GMPR: variants seen among roughly 807,000 people sequenced by gnomAD.
The protein encoded by GMPR is GMP reductase 1.
GMPR carries 31 observed loss-of-function variants against 38.4 expected under a neutral mutation model. That is an observed-to-expected ratio of 0.81 (90% CI 0.61 to 1.09). GMPR has a LOEUF of 1.09. GMPR is among the 50% of genes least tolerant of loss of function. The pLI, the probability that GMPR is intolerant of heterozygous loss-of-function variation, is 0.00. For synonymous variants in GMPR, 162 were observed against 173.3 expected, an observed-to-expected ratio of 0.93 and a Z score of 0.51; for missense variants, 468 against 453.7, an observed-to-expected ratio of 1.03 and a Z score of -0.29.
At chr6:16,271,357 A>G (rs2113691430) in intron 4 of GMPR, among the ~76,000 whole-genome samples, 1 of 152,266 alleles carries the variant, frequency 6.6e-6, no homozygotes, top group East Asian at 1.9e-4. Flanking sequence ...GTGGTGGCAC[A>G]TACCTGTAAT....
rs558854193 is a variant in GMPR, at chr6:16,273,618, G to A, written c.466-797G>A. 6.6e-5 allele frequency among the ~76,000 whole-genome samples: 10 copies of A among 152,144 alleles called. No homozygotes were observed. The South Asian group carries it at 1.5e-3, about 22-fold the overall frequency. On this transcript the variant is annotated intron_variant, in intron 4 of 8. Transcript: ENST00000259727. ...TCATCTGCCCTTTCCTGTCTAGATG[G>A]GAATCCCAGCCCTAGAGAGTGGGGC... is the stretch of plus-strand genomic sequence containing the variant.
At chr6:16,266,667 C>T (rs374242901) in intron 4 of GMPR, among the ~76,000 whole-genome samples, 38 of 151,638 alleles carry the variant, frequency 2.5e-4, no homozygotes, top group African/African-American at 4.1e-4. Context: ...AAAAATTAGC[C>T]GGGCGCAGTG....
chr6:16,294,444 C>T (rs1044752560), intron 8 of GMPR, among the ~76,000 whole-genome samples: 1 of 152,218 alleles, frequency 6.6e-6, no homozygotes, highest in Non-Finnish European at 1.5e-5. Context: ...TTATGTCCTC[C>T]TCGTCCTGGT....
chr6:16,293,432 T>C (rs1397037298), intron 8 of GMPR, among the ~76,000 whole-genome samples: 2 of 152,226 alleles, frequency 1.3e-5, no homozygotes, highest in South Asian at 2.1e-4. Flanking sequence ...CTTCCTGAGC[T>C]TGGGGCTCTA....
chr6:16,254,631 C>G lies in GMPR; in HGVS notation c.361C>G (p.Pro121Ala). Residue 121 changes from proline to alanine, a missense_variant, in exon 4 of 9, where the codon CCA becomes GCA. Coordinates refer to ENST00000259727, the MANE Select transcript of GMPR (RefSeq NM_006877.4). ...GATGACCAGCATCCTGGAAGCTGTG[C>G]CACAGGTTAAGTTTATTTGCCTGGA... ...EKMTSILEAV[P>A]QVKFICLDVA... 6.2e-7 allele frequency: 1 copy of G among 1,613,240 alleles called. No homozygotes were observed. Among genetic ancestry groups the G allele is most frequent in the Non-Finnish European group, 8.5e-7 (1 of 1,179,166 alleles).
intron 6 of GMPR, among the ~76,000 whole-genome samples, chr6:16,279,887 C>CA (rs767407344): frequency 6.6e-6 from 1 of 151,960 alleles, no homozygotes; most frequent in African/African-American, 2.4e-5. Flanking sequence ...TTGAAAGGGG[C>CA]AAAATAAAAA....
At chr6:16,285,022 AAAAAAAAAAAC>A (rs1759649342) in intron 6 of GMPR, among the ~76,000 whole-genome samples, 3 of 130,474 alleles carry the variant, frequency 2.3e-5, no homozygotes, top group Admixed American at 1.5e-4. Flanking sequence ...TGTCTCAAAA[AAAAAAAAAAAC>A]AAAAAAAAAA....
intron 2 of GMPR, among the ~76,000 whole-genome samples, chr6:16,249,166 A>ATTTT (rs11292107): frequency 3.1e-5 from 3 of 96,464 alleles, no homozygotes; most frequent in African/African-American, 4.5e-5. Flanking sequence ...ACATTTTGTA[A>ATTTT]TTTTTTTTTT....
At chr6:16,294,871 G>A in intron 8 of GMPR, 135 bp from the exon 9 acceptor site, 1 of 661,696 alleles carries the variant, frequency 1.5e-6, no homozygotes, top group South Asian at 1.7e-5. Context: ...ATGTGGGGAT[G>A]GGGTCAGAGG....
At chr6:16,294,970 A>G (rs2113352808) in intron 8 of GMPR, 36 bp from the exon 9 acceptor site, 1 of 1,550,670 alleles carries the variant, frequency 6.4e-7, no homozygotes, top group Non-Finnish European at 8.9e-7. Flanking sequence ...GTGGGGCGGG[A>G]AACTAGATAA....
intron 1 of GMPR, among the ~76,000 whole-genome samples, chr6:16,240,000 A>T (rs1758616606): frequency 1.3e-5 from 2 of 152,188 alleles, no homozygotes; most frequent in African/African-American, 2.4e-5. Flanking sequence ...TGGAACAAAA[A>T]CAGTTTGGAG....
At chr6:16,285,094 T>C (rs1279139237) in intron 6 of GMPR, among the ~76,000 whole-genome samples, 1 of 149,442 alleles carries the variant, frequency 6.7e-6, no homozygotes, top group African/African-American at 2.5e-5. Flanking sequence ...AGAAGACTTG[T>C]ACTGTGTAGC....
Position 16,295,241 on chromosome 6 carries a change from C to A in GMPR, c.*55C>A. The A allele has an allele frequency of 7.8e-7, 1 of 1,289,460 alleles. No homozygotes were observed. Among genetic ancestry groups the A allele is most frequent in the Admixed American group, 2.9e-5 (1 of 35,026 alleles). The allele number at this position is 1,289,460 out of a possible 1,614,324, so 79.9% of individuals were successfully genotyped here. A position where few individuals can be genotyped will look rare whatever the true frequency, so the allele number is the denominator to read the frequency against. On this transcript the variant is annotated 3_prime_UTR_variant, in exon 9 of 9. Transcript: ENST00000259727. ...GTGGAAGCGTCCAAACCTGCTTTTC[C>A]CATCTCCCCCCAAGTCTGTTCCGTC...
intron 3 of GMPR, among the ~76,000 whole-genome samples, chr6:16,253,999 C>T (rs939161235): frequency 2.0e-5 from 3 of 152,004 alleles, no homozygotes; most frequent in African/African-American, 7.3e-5. Flanking sequence ...GGCACAATCT[C>T]GGCTCACTGC....
intron 6 of GMPR, among the ~76,000 whole-genome samples, chr6:16,285,124 C>G (rs1031495300): frequency 1.1e-4 from 17 of 151,666 alleles, no homozygotes; most frequent in African/African-American, 4.1e-4. Flanking sequence ...AACATTACCC[C>G]CAACAGCTGA....
In GMPR at chr6:16,238,647, G is replaced by GC; in HGVS notation, c.-42dup. ...GCTCCCCGCGCCGCCCCGCGCAGGC[G>GC]CCCCCGCCCCGCCGTCGCCGCCGCC... On this transcript the variant is annotated 5_prime_UTR_variant, in exon 1 of 9. Coordinates refer to ENST00000259727, the MANE Select transcript of GMPR (RefSeq NM_006877.4). 3.3e-6 allele frequency: 3 copies of GC among 902,040 alleles called. No homozygotes were observed. The highest frequency in any genetic ancestry group is 4.3e-6 in the Non-Finnish European group (3 of 705,538). The allele number at this position is 902,040 out of a possible 1,614,324, so 55.9% of individuals were successfully genotyped here.
chr6:16,280,370 C>G (rs1759553461), intron 6 of GMPR, among the ~76,000 whole-genome samples: 1 of 152,166 alleles, frequency 6.6e-6, no homozygotes, highest in Non-Finnish European at 1.5e-5. Flanking sequence ...CCAAATTTTT[C>G]ACCCACCCAT....
At chr6:16,247,069 C>T in intron 2 of GMPR, 108 bp downstream of exon 2, 1 of 1,036,200 alleles carries the variant, frequency 9.7e-7, no homozygotes, top group Admixed American at 2.6e-5. Context: ...GAAATGTGAG[C>T]TGCTTTGGGT....
rs1377417675 is a variant in GMPR, at chr6:16,254,632, C to A, written c.362C>A (p.Pro121Gln). The A allele has an allele frequency of 6.2e-7, 1 of 1,613,664 alleles. No individual in the cohort carries two copies. The highest frequency in any genetic ancestry group is 1.1e-5 in the South Asian group (1 of 91,078). Reference protein sequence around the residue: ...EKMTSILEAVPQVKFICLDVA... With the variant: ...EKMTSILEAVQQVKFICLDVA... ...ATGACCAGCATCCTGGAAGCTGTGC[C>A]ACAGGTTAAGTTTATTTGCCTGGAT... Residue 121 changes from proline (P) to glutamine (Q), a missense_variant, in exon 4 of 9, where the codon CCA becomes CAA. Pro to Gln is a moderately conservative substitution (Grantham distance 76). Coordinates refer to ENST00000259727, the MANE Select transcript of GMPR (RefSeq NM_006877.4).
Sources: gnomAD v4.1 joint callset for allele counts (sites outside exome capture counted in the v4.1 genomes callset) on GRCh38, gnomAD v4.1.1 for gene constraint, MANE v1.5 for transcripts, NCBI Gene and HGNC (gene_info 2026-07-23, HGNC 2026-07-21) for gene names.